The following ANKIB1 variants were observed in gnomAD, a reference collection of about 807,000 sequenced individuals.
ANKIB1 encodes the protein ankyrin repeat and IBR domain containing 1.
A neutral mutation model predicts 122.1 loss-of-function variants in ANKIB1; 43 were observed. That is an observed-to-expected ratio of 0.35 (90% CI 0.28 to 0.45). The LOEUF is 0.45. Ranked by LOEUF, ANKIB1 falls within the 20% of genes least tolerant of loss-of-function variation. The probability of loss-of-function intolerance (pLI) is 1.00; values close to 1 mark genes in which losing one functional copy is unlikely to be tolerated. For missense variants in ANKIB1, 992 were observed against 1,329.5 expected, an observed-to-expected ratio of 0.75 and a Z score of 3.95; for synonymous variants, 390 against 442.0, an observed-to-expected ratio of 0.88 and a Z score of 1.48.
chr7:92,283,744 C>G (rs1425725075), intron 1 of ANKIB1, among the ~76,000 whole-genome samples: 2 of 152,018 alleles, frequency 1.3e-5, no homozygotes, highest in Non-Finnish European at 2.9e-5. Context: ...TTAATGTGGC[C>G]TAAGTGTACA....
At chr7:92,376,695 C>T (rs540704813) in intron 11 of ANKIB1, among the ~76,000 whole-genome samples, 2 of 152,188 alleles carry the variant, frequency 1.3e-5, no homozygotes, top group African/African-American at 2.4e-5. Context: ...GTAATCCACC[C>T]TCCTAGGCCT....
intron 1 of ANKIB1, among the ~76,000 whole-genome samples, chr7:92,259,426 C>T (rs539082039): frequency 3.3e-5 from 5 of 151,858 alleles, no homozygotes; most frequent in Admixed American, 6.6e-5. Flanking sequence ...GGATTTCTGG[C>T]TTTTTTTGTA....
chr7:92,280,063 A>C (rs1483995205), intron 1 of ANKIB1, among the ~76,000 whole-genome samples: 1 of 152,180 alleles, frequency 6.6e-6, no homozygotes, highest in African/African-American at 2.4e-5. Context: ...TCAGCTATGG[A>C]GACTTATTCT....
intron 11 of ANKIB1, among the ~76,000 whole-genome samples, chr7:92,379,560 A>G (rs753307588): frequency 1.3e-5 from 2 of 152,178 alleles, no homozygotes; most frequent in South Asian, 4.1e-4. Context: ...AAGAAAGCCT[A>G]CAATATAGAC....
intron 11 of ANKIB1, among the ~76,000 whole-genome samples, chr7:92,373,381 T>C (rs903543608): frequency 2.0e-5 from 3 of 152,164 alleles, no homozygotes; most frequent in Middle Eastern, 3.2e-3. Context: ...TGGTAGTAAA[T>C]ACTTGATAAA....
Position 92,388,006 on chromosome 7 carries a change from A to G in ANKIB1, c.1871A>G (p.Glu624Gly), listed in dbSNP as rs1221365467. The change falls in exon 14 of 20, where the codon GAA (glutamate) becomes GGA (glycine). Residue 624 changes from glutamate (E) to glycine (G), a missense_variant. Glu to Gly is a moderately conservative substitution (Grantham distance 98). Coordinates refer to ENST00000265742, the MANE Select transcript of ANKIB1 (RefSeq NM_019004.2). ...LEQRLLKTAK[E>G]KMEQLSRALK... Reference sequence around the variant, plus strand: ...CAACGCCTTCTTAAAACAGCCAAAGAAAAGATGGAGCAATTGAGCAGAGCT... The same window carrying G: ...CAACGCCTTCTTAAAACAGCCAAAGGAAAGATGGAGCAATTGAGCAGAGCT... 1.9e-6 allele frequency: 3 copies of G among 1,580,370 alleles called. No homozygotes were observed. Among genetic ancestry groups the G allele is most frequent in the Admixed American group, 1.8e-5 (1 of 54,652 alleles).
chr7:92,248,180 TG>T (rs1801241575), intron 1 of ANKIB1, among the ~76,000 whole-genome samples: 1 of 152,188 alleles, frequency 6.6e-6, no homozygotes, highest in Non-Finnish European at 1.5e-5. Flanking sequence ...CTCTTTTCCT[TG>T]GGGTAGGATG....
intron 1 of ANKIB1, among the ~76,000 whole-genome samples, chr7:92,261,972 C>T (rs1465424042): frequency 1.3e-5 from 2 of 152,164 alleles, no homozygotes; most frequent in African/African-American, 4.8e-5. Flanking sequence ...CTCACTTCTT[C>T]GTATCTTAAA....
chr7:92,386,436 G>A (rs1804652616), intron 11 of ANKIB1, 73 bp from the exon 12 acceptor site: 15 of 1,405,120 alleles, frequency 1.1e-5, no homozygotes, highest in Non-Finnish European at 1.4e-5. Flanking sequence ...TTTACAGATT[G>A]GTTGGCTATA....
intron 10 of ANKIB1, among the ~76,000 whole-genome samples, chr7:92,366,961 GGAA>G (rs1804100061): frequency 6.6e-6 from 1 of 152,104 alleles, no homozygotes; most frequent in Admixed American, 6.5e-5. Flanking sequence ...CTAGGGAAGG[GGAA>G]GAAGAATGGC....
At position 92,397,655 on chromosome 7, in the gene ANKIB1, T is replaced by C. The variant is rs1442567053; in HGVS notation, c.2396-68T>C. 4 of 1,576,386 alleles carry C rather than the reference T, an allele frequency of 2.5e-6. No homozygotes were observed. In the South Asian group the frequency reaches 3.4e-5, roughly 13 times the overall value. Reference sequence around the variant, plus strand: ...GAAATTGCCCATCTAAACAACCAGATGTATGAAAAAAATAAATAAGTCTTA... The same window carrying C: ...GAAATTGCCCATCTAAACAACCAGACGTATGAAAAAAATAAATAAGTCTTA... On this transcript the variant is annotated intron_variant, in intron 18 of 19. Transcript: ENST00000265742.
chr7:92,285,639 A>G (rs1006608263), intron 1 of ANKIB1, among the ~76,000 whole-genome samples: 1 of 152,212 alleles, frequency 6.6e-6, no homozygotes, highest in Admixed American at 6.5e-5. Flanking sequence ...TCACTAAACT[A>G]TATTGCATTA....
chr7:92,246,351 T>TC lies in ANKIB1; in HGVS notation c.-257dup, dbSNP rs758976450. 59 of 440,424 alleles carry TC rather than the reference T, an allele frequency of 1.3e-4. No individual in the cohort carries two copies. Among genetic ancestry groups the TC allele is most frequent in the Non-Finnish European group, 2.5e-4 (55 of 223,210 alleles). The allele number at this position is 440,424 out of a possible 1,614,324, so 27.3% of individuals were successfully genotyped here. A position where few individuals can be genotyped will look rare whatever the true frequency, so the allele number is the denominator to read the frequency against. On this transcript the variant is annotated 5_prime_UTR_variant, in exon 1 of 20. Coordinates refer to ENST00000265742, the MANE Select transcript of ANKIB1 (RefSeq NM_019004.2). ...GTGCGCACCCTCGGCCACATCAGCC[T>TC]CCGCCTGGCGGGTGCACCCGGGCCG...
chr7:92,355,668 T>A (rs1280935455), intron 9 of ANKIB1, among the ~76,000 whole-genome samples: 1 of 151,874 alleles, frequency 6.6e-6, no homozygotes, highest in East Asian at 1.9e-4. Flanking sequence ...GGTAACACAG[T>A]GAAACCCTGT....
In ANKIB1 at chr7:92,352,649, A is replaced by G. The variant is rs1803691356; in HGVS notation, c.1397+7A>G. 1.9e-6 allele frequency: 3 copies of G among 1,595,882 alleles called. No individual in the cohort carries two copies. Among genetic ancestry groups the G allele is most frequent in the African/African-American group, 2.7e-5 (2 of 73,762 alleles). On this transcript the variant is annotated splice_region_variant and intron_variant, in intron 9 of 19. Coordinates refer to ENST00000265742, the MANE Select transcript of ANKIB1 (RefSeq NM_019004.2). ...AAGGACACCTCTTCTGCTGGTTAGT[A>G]TAAGACAAGTTGGAATCAGCCTAAT... is the stretch of plus-strand genomic sequence containing the variant.
At chr7:92,355,252 C>CCT in intron 9 of ANKIB1, among the ~76,000 whole-genome samples, 1 of 152,216 alleles carries the variant, frequency 6.6e-6, no homozygotes, top group Middle Eastern at 3.4e-3. Context: ...AATGACTTTT[C>CCT]CTCTTTTTTT....
chr7:92,307,091 T>G (rs1802576350), intron 2 of ANKIB1, among the ~76,000 whole-genome samples: 1 of 152,350 alleles, frequency 6.6e-6, no homozygotes, highest in South Asian at 2.1e-4. Flanking sequence ...CTTCCTTTTT[T>G]CTTCCTTTTC....
intron 12 of ANKIB1, among the ~76,000 whole-genome samples, chr7:92,387,488 T>A (rs533750904): frequency 5.9e-4 from 90 of 151,992 alleles, no homozygotes; most frequent in African/African-American, 2.2e-3. Context: ...ATACAAAAAT[T>A]ACCCAGGCAT....
chr7:92,328,725 C>T (rs1411766162), intron 5 of ANKIB1, among the ~76,000 whole-genome samples: 1 of 151,432 alleles, frequency 6.6e-6, no homozygotes. Flanking sequence ...ATTTTGAGGC[C>T]CTAGCTGGCT....
Sources: allele counts gnomAD v4.1 joint callset (sites outside exome capture counted in the v4.1 genomes callset), GRCh38; gene constraint gnomAD v4.1.1; transcripts MANE v1.5; gene names NCBI Gene and HGNC (gene_info 2026-07-23, HGNC 2026-07-21).